PTPRG: variants seen among roughly 807,000 people sequenced by gnomAD.
PTPRG encodes receptor-type tyrosine-protein phosphatase gamma.
A neutral mutation model predicts 165.3 loss-of-function variants in PTPRG; 102 were observed. The ratio of observed to expected loss-of-function variants is 0.62; its 90% confidence interval spans 0.53 to 0.73. The LOEUF is 0.73. Among genes scored for constraint, PTPRG ranks in the 30% least tolerant of loss-of-function variants. The pLI, the probability that PTPRG is intolerant of heterozygous loss-of-function variation, is 0.00. For synonymous variants in PTPRG, 675 were observed against 669.5 expected (o/e 1.01, Z -0.13); for missense variants, 1,866 against 1,861.4 (o/e 1.00, Z -0.05).
intron 2 of PTPRG, among the ~76,000 whole-genome samples, chr3:61,751,511 T>C (rs2033428273): frequency 6.6e-6 from 1 of 152,184 alleles, no homozygotes; most frequent in Admixed American, 6.5e-5. Context: ...GATAATGCCA[T>C]GGGTGCTTTA....
chr3:61,872,214 A>G (rs1248712059), intron 2 of PTPRG, among the ~76,000 whole-genome samples: 1 of 152,160 alleles, frequency 6.6e-6, no homozygotes, highest in African/African-American at 2.4e-5. Flanking sequence ...AGACAATAAG[A>G]ATGTTGATTC....
At chr3:61,946,030 CTCTT>C (rs1395362810) in intron 2 of PTPRG, among the ~76,000 whole-genome samples, 1 of 152,168 alleles carries the variant, frequency 6.6e-6, no homozygotes, top group Non-Finnish European at 1.5e-5. Flanking sequence ...TATTATCTCT[CTCTT>C]TGTATGAGAC....
chr3:61,836,484 G>C (rs939551753), intron 2 of PTPRG, among the ~76,000 whole-genome samples: 2 of 152,108 alleles, frequency 1.3e-5, no homozygotes, highest in Non-Finnish European at 2.9e-5. Flanking sequence ...GCTTTACTTA[G>C]GGATAGTGAT....
chr3:61,700,350 A>G (rs1011655599), intron 1 of PTPRG, among the ~76,000 whole-genome samples: 3 of 152,220 alleles, frequency 2.0e-5, no homozygotes, highest in African/African-American at 4.8e-5. Context: ...ATAAAGCTGC[A>G]AATAAGCTGA....
intron 1 of PTPRG, among the ~76,000 whole-genome samples, chr3:61,596,587 C>T (rs574618066): frequency 5.1e-4 from 78 of 152,290 alleles, no homozygotes; most frequent in African/African-American, 1.9e-3. Flanking sequence ...TAACACTTCT[C>T]TCATTCCTGA....
At chr3:62,001,230 G>A (rs1349820033) in intron 3 of PTPRG, among the ~76,000 whole-genome samples, 1 of 152,198 alleles carries the variant, frequency 6.6e-6, no homozygotes, top group African/African-American at 2.4e-5. Context: ...AACATGCTGT[G>A]TGCTCTGGTG....
chr3:62,091,065 TTGA>T (rs1476942092), intron 5 of PTPRG, among the ~76,000 whole-genome samples: 6 of 152,190 alleles, frequency 3.9e-5, no homozygotes, highest in Non-Finnish European at 8.8e-5. Context: ...AATAACAATG[TTGA>T]TGATGATAAT....
chr3:61,968,306 A>G (rs1054132478), intron 2 of PTPRG, among the ~76,000 whole-genome samples: 8 of 152,004 alleles, frequency 5.3e-5, no homozygotes, highest in Non-Finnish European at 1.0e-4. Flanking sequence ...AATGGCTTCT[A>G]TTTCAGAGCT....
intron 2 of PTPRG, among the ~76,000 whole-genome samples, chr3:61,882,240 T>A (rs188272629): frequency 6.6e-6 from 1 of 152,350 alleles, no homozygotes; most frequent in African/African-American, 2.4e-5. Context: ...GCGTGTGTTG[T>A]TTACACAATT....
chr3:61,641,554 C>G (rs1395117863), intron 1 of PTPRG, among the ~76,000 whole-genome samples: 1 of 152,196 alleles, frequency 6.6e-6, no homozygotes, highest in Non-Finnish European at 1.5e-5. Context: ...AGTTCTGACT[C>G]TCATTTAGGT....
intron 8 of PTPRG, among the ~76,000 whole-genome samples, chr3:62,182,027 A>G (rs1003474438): frequency 1.3e-5 from 2 of 152,220 alleles, no homozygotes; most frequent in African/African-American, 4.8e-5. Flanking sequence ...ATTATATGCT[A>G]TATTCTCACA....
intron 2 of PTPRG, among the ~76,000 whole-genome samples, chr3:61,916,605 C>G (rs1333181216): frequency 6.6e-6 from 1 of 152,100 alleles, no homozygotes; most frequent in Non-Finnish European, 1.5e-5. Flanking sequence ...TCGATTGTTT[C>G]TCTTTAAATC....
intron 5 of PTPRG, among the ~76,000 whole-genome samples, chr3:62,111,857 T>C (rs1702679069): frequency 6.6e-6 from 1 of 152,204 alleles, no homozygotes; most frequent in Non-Finnish European, 1.5e-5. Context: ...ATTGAGGATG[T>C]TGATTTTGCA....
At chr3:62,131,028 C>A (rs1703495123) in intron 5 of PTPRG, among the ~76,000 whole-genome samples, 1 of 151,998 alleles carries the variant, frequency 6.6e-6, no homozygotes, top group Non-Finnish European at 1.5e-5. Flanking sequence ...TTTAGTAGCA[C>A]CTGTATTCTG....
chr3:61,617,858 A>T (rs1041814803), intron 1 of PTPRG, among the ~76,000 whole-genome samples: 16 of 152,206 alleles, frequency 1.1e-4, no homozygotes, highest in African/African-American at 1.7e-4. Flanking sequence ...ATGGCAAATG[A>T]CATTGACTGA....
chr3:62,081,054 G>A (rs1451493936), intron 5 of PTPRG, among the ~76,000 whole-genome samples: 3 of 151,664 alleles, frequency 2.0e-5, no homozygotes, highest in Non-Finnish European at 2.9e-5. Context: ...TCAGGAGATC[G>A]AGACCATCCT....
intron 2 of PTPRG, among the ~76,000 whole-genome samples, chr3:61,945,529 A>G (rs2039735844): frequency 1.5e-5 from 2 of 135,692 alleles, no homozygotes; most frequent in Non-Finnish European, 3.1e-5. Context: ...ACTGCACTCC[A>G]GCCTGGGCAA....
chr3:61,876,156 A>G (rs1219583559), intron 2 of PTPRG, among the ~76,000 whole-genome samples: 1 of 152,216 alleles, frequency 6.6e-6, no homozygotes, highest in South Asian at 2.1e-4. Flanking sequence ...AAAAATGCAT[A>G]ACTGTACTCC....
chr3:61,562,352 A>T lies in PTPRG; in HGVS notation c.65A>T (p.His22Leu), dbSNP rs756803785. The change falls in exon 1 of 30, where the codon CAT becomes CTT. Residue 22 changes from histidine (H) to leucine (L), a missense_variant. Physicochemically the swap from His to Leu is moderately conservative, Grantham distance 99. Transcript: ENST00000474889. ...CTGAAAATCACCAGTTCCGTGCTCC[A>T]TTATGTCGTGTGCTTCCCCGGTGAG... Reference protein sequence around the residue: ...LFLKITSSVLHYVVCFPALTE... With the variant: ...LFLKITSSVLLYVVCFPALTE... The T allele has an allele frequency of 1.2e-6, 2 of 1,613,512 alleles. No homozygotes were observed. The highest frequency in any genetic ancestry group is 2.2e-5 in the South Asian group (2 of 91,068).
Sources: gnomAD v4.1 joint callset for allele counts (sites outside exome capture counted in the v4.1 genomes callset) on GRCh38, gnomAD v4.1.1 for gene constraint, MANE v1.5 for transcripts, NCBI Gene and HGNC (gene_info 2026-07-23, HGNC 2026-07-21) for gene names.